The following TDRD12 variants were observed in gnomAD, a reference collection of about 807,000 sequenced individuals.
TDRD12 encodes putative ATP-dependent RNA helicase TDRD12.
A neutral mutation model predicts 133.5 loss-of-function variants in TDRD12; 158 were observed. The observed-to-expected ratio is 1.18, with a 90% CI of 1.04 to 1.35. The LOEUF is 1.35. Ranked by LOEUF, TDRD12 falls within the 40% of genes most tolerant of loss-of-function variation. TDRD12 has a pLI of 0.00. For missense variants in TDRD12, 1,443 were observed against 1,321.3 expected (o/e 1.09, Z -1.43); for synonymous variants, 460 against 477.9 (o/e 0.96, Z 0.49).
intron 16 of TDRD12, among the ~76,000 whole-genome samples, chr19:32,799,527 A>G (rs73035337): frequency 0.11 from 16,250 of 152,030 alleles, 1,092 homozygotes; most frequent in Middle Eastern, 0.16. Flanking sequence ...TTGCTTGTTC[A>G]CTTCCTTTTC....
At chr19:32,787,977 G>C (rs1292273399) in intron 11 of TDRD12, among the ~76,000 whole-genome samples, 2 of 152,134 alleles carry the variant, frequency 1.3e-5, no homozygotes, top group Non-Finnish European at 2.9e-5. Context: ...AGATGAACCA[G>C]GTACCTCAGT....
At chr19:32,826,337 A>T in exon 8 of TDRD12, 1 of 1,349,490 alleles carries the variant, frequency 7.4e-7, no homozygotes, top group Non-Finnish European at 9.5e-7. Flanking sequence ...GTCAGTATTT[A>T]AGGGATAGAG....
At chr19:32,747,023 T>TGA (rs34256598) in intron 4 of TDRD12, among the ~76,000 whole-genome samples, 67,362 of 117,752 alleles carry the variant, frequency 0.57, 21,999 homozygotes, top group East Asian at 0.84. Context: ...GGTTATTCTG[T>TGA]GAGAGAGGAG....
chr19:32,796,068 AG>A (rs1463969083), intron 14 of TDRD12: 1 of 679,174 alleles, frequency 1.5e-6, no homozygotes, highest in African/African-American at 2.0e-5. Flanking sequence ...GAAAGAGAGG[AG>A]CGGTGTGAAG....
intron 8 of TDRD12, among the ~76,000 whole-genome samples, chr19:32,763,584 G>A (rs1041372031): frequency 1.3e-5 from 2 of 152,250 alleles, no homozygotes; most frequent in Non-Finnish European, 2.9e-5. Context: ...GGAACAGCAC[G>A]CCCTTTATAT....
chr19:32,823,033 C>T (rs1967457724), downstream of TDRD12, among the ~76,000 whole-genome samples: 1 of 152,224 alleles, frequency 6.6e-6, no homozygotes, highest in Admixed American at 6.5e-5. Context: ...TTCCACACTG[C>T]AGATGTTCTG....
intron 14 of TDRD12, among the ~76,000 whole-genome samples, chr19:32,797,383 C>T (rs2145684718): frequency 6.6e-6 from 1 of 152,268 alleles, no homozygotes; most frequent in Admixed American, 6.5e-5. Context: ...GGTTCAAGTC[C>T]TGTTGCTACC....
At chr19:32,795,118 T>A (rs1971186773) in intron 14 of TDRD12, among the ~76,000 whole-genome samples, 1 of 152,082 alleles carries the variant, frequency 6.6e-6, no homozygotes, top group Non-Finnish European at 1.5e-5. Context: ...GTGGATCATC[T>A]GAGGTCAGGA....
chr19:32,735,079 C>T (rs1287396105), intron 2 of TDRD12, among the ~76,000 whole-genome samples: 1 of 152,136 alleles, frequency 6.6e-6, no homozygotes, highest in Non-Finnish European at 1.5e-5. Context: ...CCTACAATGG[C>T]CCCTAAGTGT....
intron 10 of TDRD12, among the ~76,000 whole-genome samples, chr19:32,775,661 G>GTT: frequency 6.8e-6 from 1 of 146,612 alleles, no homozygotes; most frequent in African/African-American, 2.5e-5. Flanking sequence ...AATTTTCCTT[G>GTT]TTTTTTTTTT....
At chr19:32,781,424 A>G (rs1970761884) in intron 11 of TDRD12, among the ~76,000 whole-genome samples, 1 of 151,948 alleles carries the variant, frequency 6.6e-6, no homozygotes, top group Non-Finnish European at 1.5e-5. Flanking sequence ...CTTGAATTGA[A>G]TCTCCTCTTT....
chr19:32,746,692 CTG>C (rs1434668226), intron 4 of TDRD12, among the ~76,000 whole-genome samples: 1 of 134,172 alleles, frequency 7.5e-6, no homozygotes, highest in African/African-American at 2.9e-5. Flanking sequence ...TGTGGTTATT[CTG>C]TGTGTGACAG....
intron 8 of TDRD12, 53 bp downstream of exon 8, chr19:32,757,183 T>A: frequency 2.9e-6 from 4 of 1,400,326 alleles, no homozygotes; most frequent in Non-Finnish European, 3.9e-6. Flanking sequence ...AAAATATTCT[T>A]AGCTTTTTAA....
At chr19:32,745,658 A>T (rs936267183) in intron 4 of TDRD12, among the ~76,000 whole-genome samples, 4 of 140,742 alleles carry the variant, frequency 2.8e-5, no homozygotes, top group Non-Finnish European at 4.6e-5. Flanking sequence ...TGATGTGGTT[A>T]TTCTGTGTGT....
chr19:32,762,919 C>G (rs924708447), intron 8 of TDRD12, among the ~76,000 whole-genome samples: 3 of 152,148 alleles, frequency 2.0e-5, no homozygotes, highest in African/African-American at 7.2e-5. Context: ...GCCTATGGCT[C>G]CTAGGCCACA....
intron 11 of TDRD12, among the ~76,000 whole-genome samples, chr19:32,781,162 C>T (rs1970754440): frequency 6.6e-6 from 1 of 152,080 alleles, no homozygotes; most frequent in Non-Finnish European, 1.5e-5. Context: ...CCAGGATGGT[C>T]TCTATCTCCT....
Position 32,731,887 on chromosome 19 carries a change from T to C in TDRD12, c.183+4T>C. On this transcript the variant is annotated splice_donor_region_variant and intron_variant, in intron 2 of 27. Coordinates refer to ENST00000444215, the Ensembl canonical transcript of TDRD12. Reference sequence around the variant, plus strand: ...CTTAACATTGGAAGAAGGACAGGTATGTATCTAAATGTTCTTTAATCACTG... The same window carrying C: ...CTTAACATTGGAAGAAGGACAGGTACGTATCTAAATGTTCTTTAATCACTG... 16 of 1,530,896 alleles carry C rather than the reference T, an allele frequency of 1.0e-5. No homozygotes were observed. The highest frequency in any genetic ancestry group is 1.3e-5 in the Non-Finnish European group (15 of 1,140,384). 94.8% of individuals were successfully genotyped at this position (1,530,896 alleles called of 1,614,324 possible).
At chr19:32,740,381 C>T (rs551697063) in intron 3 of TDRD12, among the ~76,000 whole-genome samples, 2 of 146,776 alleles carry the variant, frequency 1.4e-5, no homozygotes, top group East Asian at 4.1e-4. Flanking sequence ...CTCCTGGGTG[C>T]TGTCTGCATC....
chr19:32,785,128 A>G (rs1456654335), intron 11 of TDRD12, among the ~76,000 whole-genome samples: 3 of 150,954 alleles, frequency 2.0e-5, no homozygotes, highest in Non-Finnish European at 4.5e-5. Flanking sequence ...ATTTAGTGCT[A>G]TAATGTGTCC....
Sources: allele counts gnomAD v4.1 joint callset (sites outside exome capture counted in the v4.1 genomes callset), GRCh38; gene constraint gnomAD v4.1.1; transcripts MANE v1.5; gene names NCBI Gene and HGNC (gene_info 2026-07-23, HGNC 2026-07-21).